NUP153: variants seen among roughly 807,000 people sequenced by gnomAD.
NUP153 encodes nuclear pore complex protein Nup153.
In NUP153, 27 loss-of-function variants were observed where a neutral mutation model predicts 134.6. The observed-to-expected ratio is 0.20, with a 90% CI of 0.15 to 0.28. The LOEUF (loss-of-function observed/expected upper bound fraction) is 0.28, where lower values mean the gene tolerates loss of function less well. NUP153 is among the 10% of genes least tolerant of loss of function. NUP153 has a pLI of 1.00. For missense variants in NUP153, 1,821 were observed against 1,731.3 expected, an observed-to-expected ratio of 1.05 and a Z score of -0.92; for synonymous variants, 640 against 623.5, an observed-to-expected ratio of 1.03 and a Z score of -0.40.
intron 20 of NUP153, among the ~76,000 whole-genome samples, chr6:17,621,014 CAAAACA>C (rs138544307): frequency 0.061 from 9,265 of 152,142 alleles, 372 homozygotes; most frequent in Non-Finnish European, 0.083. Flanking sequence ...AACTCAACAG[CAAAACA>C]AAAACAACCA....
intron 11 of NUP153, among the ~76,000 whole-genome samples, chr6:17,660,064 G>A (rs996434588): frequency 4.6e-5 from 7 of 152,096 alleles, no homozygotes; most frequent in African/African-American, 1.7e-4. Context: ...AGTGAAAACT[G>A]CCAAGGAGGT....
chr6:17,653,804 T>C (rs992671510), intron 11 of NUP153, among the ~76,000 whole-genome samples: 11 of 152,214 alleles, frequency 7.2e-5, no homozygotes, highest in Admixed American at 4.6e-4. Context: ...AATCTCTTGA[T>C]AGGGCTTGCA....
Position 17,616,622 on chromosome 6 carries a change from T to C in NUP153, c.4248A>G (p.Thr1416=), listed in dbSNP as rs1345496770. The C allele has an allele frequency of 3.7e-6, 6 of 1,614,172 alleles. No homozygotes were observed. In the South Asian group the frequency reaches 5.5e-5, roughly 15 times the overall value. The change falls in exon 21 of 22, where the codon ACA becomes ACG. Residue 1416 remains threonine (T), a synonymous_variant. Coordinates refer to ENST00000262077, the MANE Select transcript of NUP153 (RefSeq NM_005124.4). ...FTNNSPSGVF[T]FGANSSTPAA... ...CAGGTGTGCTAGAATTTGCACCAAA[T>C]GTGAACACTCCTGATGGACTGTTGT...
chr6:17,622,669 T>C (rs996415899), intron 20 of NUP153, among the ~76,000 whole-genome samples: 1 of 151,866 alleles, frequency 6.6e-6, no homozygotes, highest in Non-Finnish European at 1.5e-5. Context: ...GTATTTAGTT[T>C]ATAAAATTGA....
chr6:17,618,560 CTCTTT>C lies in NUP153; in HGVS notation c.4175-1870_4175-1866del, dbSNP rs760788292. 6.9e-4 allele frequency among the ~76,000 whole-genome samples: 72 copies of C among 105,040 alleles called. 2 individuals are homozygous for C. Among genetic ancestry groups the C allele is most frequent in the Admixed American group, 7.8e-4 (7 of 9,012 alleles). 68.9% of individuals were successfully genotyped at this position (105,040 alleles called of 152,430 possible). On this transcript the variant is annotated intron_variant, in intron 20 of 21. Transcript: ENST00000262077. ...AAAGAAATAGTGGAAGTTAAAATCT[CTCTTT>C]TTTTTTTTTTTTTTTTTAAAGATGG... is the stretch of plus-strand genomic sequence containing the variant.
At chr6:17,647,944 C>A (rs1317812400) in intron 12 of NUP153, 39 bp from the exon 13 acceptor site, 2 of 1,298,516 alleles carry the variant, frequency 1.5e-6, no homozygotes, top group Non-Finnish European at 1.1e-6. Flanking sequence ...ACAAAAAGAG[C>A]TTTTTAGAAA....
intron 15 of NUP153, 103 bp from the exon 16 acceptor site, chr6:17,637,873 T>C (rs934614967): frequency 2.4e-6 from 3 of 1,250,270 alleles, no homozygotes; most frequent in African/African-American, 3.0e-5. Flanking sequence ...ACTGCACACT[T>C]ACTACAATCC....
intron 1 of NUP153, among the ~76,000 whole-genome samples, chr6:17,698,207 T>A (rs980750008): frequency 4.6e-5 from 7 of 152,164 alleles, no homozygotes; most frequent in African/African-American, 1.4e-4. Flanking sequence ...CTTGGACTGA[T>A]TGGATAGGGT....
intron 14 of NUP153, among the ~76,000 whole-genome samples, chr6:17,641,313 G>C (rs2113789320): frequency 6.6e-6 from 1 of 152,218 alleles, no homozygotes; most frequent in South Asian, 2.1e-4. Flanking sequence ...AAGGCGGGCA[G>C]ATCACGAGGT....
intron 14 of NUP153, 85 bp from the exon 15 acceptor site, chr6:17,640,149 C>G: frequency 9.7e-7 from 1 of 1,032,514 alleles, no homozygotes; most frequent in Non-Finnish European, 1.3e-6. Context: ...TCAAAACCAT[C>G]TTTTGGATTA....
At chr6:17,659,674 T>C (rs1340813864) in intron 11 of NUP153, among the ~76,000 whole-genome samples, 1 of 152,200 alleles carries the variant, frequency 6.6e-6, no homozygotes, top group Non-Finnish European at 1.5e-5. Flanking sequence ...GGTTTCATCA[T>C]GTTGGCCAGG....
chr6:17,618,783 G>T (rs867660809), intron 20 of NUP153, among the ~76,000 whole-genome samples: 9 of 152,108 alleles, frequency 5.9e-5, no homozygotes, highest in South Asian at 2.1e-4. Flanking sequence ...AGCCAGGATG[G>T]TCTCGATATC....
At chr6:17,672,425 A>T (rs1264414889) in intron 5 of NUP153, among the ~76,000 whole-genome samples, 2 of 152,054 alleles carry the variant, frequency 1.3e-5, no homozygotes, top group Non-Finnish European at 2.9e-5. Flanking sequence ...CAAAAAAAAA[A>T]TTTAGCTGGG....
rs777749542 is a variant in NUP153 at position 17,637,344 on chromosome 6, A to T, written c.2273T>A (p.Leu758His). The T allele has an allele frequency of 6.2e-7, 1 of 1,614,216 alleles. No homozygotes were observed. Among genetic ancestry groups the T allele is most frequent in the Admixed American group, 1.7e-5 (1 of 60,022 alleles). ...PKPGTCVKRA[L>H]TLTVVSESAE... ...ACTTTCCGAAACCACTGTCAATGTA[A>T]GGGCTCGCTTCACACAAGTTCCAGG... The change falls in exon 16 of 22, where the codon CTT becomes CAT. Residue 758 changes from leucine to histidine, a missense_variant. Leu to His is a moderately conservative substitution (Grantham distance 99). Coordinates refer to ENST00000262077, the MANE Select transcript of NUP153 (RefSeq NM_005124.4).
intron 2 of NUP153, among the ~76,000 whole-genome samples, chr6:17,681,145 T>C (rs887258114): frequency 1.3e-5 from 2 of 151,436 alleles, no homozygotes; most frequent in African/African-American, 2.4e-5. Context: ...CTGCAGAACA[T>C]CACATTAAGT....
chr6:17,701,845 A>AGGGG (rs1491158458), intron 1 of NUP153, among the ~76,000 whole-genome samples: 1 of 35,076 alleles, frequency 2.9e-5, no homozygotes, highest in Non-Finnish European at 4.7e-5. Context: ...GGGGGGGGGG[A>AGGGG]AAAAAGCTAA....
In NUP153 at chr6:17,706,268, G is replaced by A. The variant is rs762230644; in HGVS notation, c.111+9C>T. ...CCCGCCAGGCCACCGCGGCGTCGGG[G>A]TCCCATACCTGATGCTGTTGTCGCC... is the stretch of plus-strand genomic sequence containing the variant. On this transcript the variant is annotated intron_variant, in intron 1 of 21. Transcript: ENST00000262077. This position sits in a 1 kb window ranked among gnomAD's most constrained non-coding sequence, Gnocchi z 5.9. 6.2e-7 allele frequency: 1 copy of A among 1,605,026 alleles called. No individual in the cohort carries two copies. The highest frequency in any genetic ancestry group is 2.2e-5 in the East Asian group (1 of 44,784).
At chr6:17,698,387 T>C (rs1380261793) in intron 1 of NUP153, among the ~76,000 whole-genome samples, 3 of 151,910 alleles carry the variant, frequency 2.0e-5, no homozygotes, top group Non-Finnish European at 2.9e-5. Flanking sequence ...AGTCCAGGAG[T>C]TGGAGACCAG....
Position 17,646,063 on chromosome 6 carries a change from T to A in NUP153, c.1720+4A>T. The A allele has an allele frequency of 7.0e-7, 1 of 1,435,298 alleles. No individual in the cohort carries two copies. The highest frequency in any genetic ancestry group is 9.7e-7 in the Non-Finnish European group (1 of 1,030,438). The allele number at this position is 1,435,298 out of a possible 1,614,324, so 88.9% of individuals were successfully genotyped here. ...ATGTTAAAATGTAAGAAATTTTTAC[T>A]TACCTGAACTACTTATAATTGGTTC... On this transcript the variant is annotated splice_donor_region_variant and intron_variant, in intron 14 of 21. Coordinates refer to ENST00000262077, the MANE Select transcript of NUP153 (RefSeq NM_005124.4).
Sources: gnomAD v4.1 joint callset for allele counts (sites outside exome capture counted in the v4.1 genomes callset) on GRCh38, gnomAD v4.1.1 for gene constraint, Gnocchi (gnomAD v3.1) non-coding constraint, MANE v1.5 for transcripts, NCBI Gene and HGNC (gene_info 2026-07-23, HGNC 2026-07-21) for gene names.